The following CHRDL2 variants were observed in gnomAD, a reference collection of about 807,000 sequenced individuals.
The protein encoded by CHRDL2 is chordin like 2, also known as chordin-like protein 2.
In CHRDL2, 41 loss-of-function variants were observed where a neutral mutation model predicts 54.3. The ratio of observed to expected loss-of-function variants is 0.76; its 90% CI spans 0.59 to 0.98. CHRDL2 has a LOEUF of 0.98. CHRDL2 is among the 50% of genes least tolerant of loss of function. The pLI, the probability that CHRDL2 is intolerant of heterozygous loss-of-function variation, is 0.00. For missense variants in CHRDL2, 518 were observed against 562.4 expected (o/e 0.92, Z 0.80); for synonymous variants, 220 against 224.3 (o/e 0.98, Z 0.17).
intron 8 of CHRDL2, 134 bp from the exon 9 acceptor site, chr11:74,703,101 A>G: frequency 9.4e-7 from 1 of 1,067,230 alleles, no homozygotes; most frequent in African/African-American, 1.6e-5. Flanking sequence ...CTCTGAATCT[A>G]TTATCCTGAC....
At chr11:74,699,917 G>C (rs540525681) in intron 9 of CHRDL2, among the ~76,000 whole-genome samples, 1 of 152,364 alleles carries the variant, frequency 6.6e-6, no homozygotes, top group East Asian at 1.9e-4. Context: ...CGGTTTGCTA[G>C]TGACAGGATG....
intron 1 of CHRDL2, among the ~76,000 whole-genome samples, chr11:74,724,535 C>T (rs1199579890): frequency 6.6e-6 from 1 of 152,228 alleles, no homozygotes; most frequent in Non-Finnish European, 1.5e-5. Flanking sequence ...TTCAGCCTCA[C>T]CTCCTCTTGC....
intron 9 of CHRDL2, chr11:74,699,152 G>A (rs1199748421): frequency 1.3e-5 from 2 of 152,296 alleles, no homozygotes; most frequent in Admixed American, 1.3e-4. Flanking sequence ...CAACAAGCAT[G>A]AGATGAGATG....
At chr11:74,696,800 T>C (rs1209068215) in intron 10 of CHRDL2, among the ~76,000 whole-genome samples, 1 of 152,166 alleles carries the variant, frequency 6.6e-6, no homozygotes, top group African/African-American at 2.4e-5. Flanking sequence ...CAGAACTGGT[T>C]TCCTGACACC....
intron 10 of CHRDL2, among the ~76,000 whole-genome samples, 153 bp downstream of exon 10, chr11:74,697,052 C>G (rs960651862): frequency 3.9e-5 from 6 of 152,178 alleles, no homozygotes; most frequent in African/African-American, 9.7e-5. Flanking sequence ...ATCTCTGGCG[C>G]AGACACCCGC....
At position 74,708,357 on chromosome 11, in the gene CHRDL2, T is replaced by C. The variant is rs2034079964; in HGVS notation, c.471A>G (p.Glu157=). Residue 157 remains glutamate, a synonymous_variant, in exon 5 of 11, where the codon GAA becomes GAG. Transcript: ENST00000376332. ...QIYCGLTTCP[E]PGCPAPLPLP... ...GCGGGAGGGGTGCTGGGCAGCCTGG[T>C]TCGGGGCAGGTTGTGAGGCCGCAGT... is the stretch of plus-strand genomic sequence containing the variant. The C allele has an allele frequency of 6.3e-7, 1 of 1,589,190 alleles. No individual in the cohort carries two copies. Among genetic ancestry groups the C allele is most frequent in the African/African-American group, 1.4e-5 (1 of 73,446 alleles).
rs769579530 is a variant in CHRDL2 at position 74,730,922 on chromosome 11, C to G, written c.-34G>C. On this transcript the variant is annotated 5_prime_UTR_variant, in exon 1 of 11. Coordinates refer to ENST00000376332, the MANE Select transcript of CHRDL2 (RefSeq NM_001278473.3). ...CAGGGTCAGGCCGCTGGTCCGGGAG[C>G]GGAGTCGGGAGGAAGGGAGACGAAA... 7 of 1,568,944 alleles carry G rather than the reference C, an allele frequency of 4.5e-6. No individual in the cohort carries two copies. In the South Asian group the frequency reaches 8.2e-5, roughly 18 times the overall value.
intron 3 of CHRDL2, among the ~76,000 whole-genome samples, chr11:74,712,245 A>G (rs1264651031): frequency 6.6e-6 from 1 of 152,024 alleles, no homozygotes; most frequent in Non-Finnish European, 1.5e-5. Flanking sequence ...AGAGAGGAGG[A>G]GCCTCTAACT....
At chr11:74,721,484 T>C (rs1222634972) in intron 1 of CHRDL2, among the ~76,000 whole-genome samples, 2 of 152,180 alleles carry the variant, frequency 1.3e-5, no homozygotes, top group Non-Finnish European at 2.9e-5. Flanking sequence ...GTGGGGGGCC[T>C]GGCAGGAGGC....
Position 74,731,338 on chromosome 11 carries a change from T to TGGGGCCC in CHRDL2, c.-457_-451dup, listed in dbSNP as rs1437809262. 2.0e-5 allele frequency: 3 copies of TGGGGCCC among 147,110 alleles called. No homozygotes were observed. The highest frequency in any genetic ancestry group is 7.4e-5 in the African/African-American group (3 of 40,486). The allele number at this position is 147,110 out of a possible 1,614,324, so 9.1% of individuals were successfully genotyped here. On this transcript the variant is annotated 5_prime_UTR_variant, in exon 1 of 11. Coordinates refer to ENST00000376332, the MANE Select transcript of CHRDL2 (RefSeq NM_001278473.3). This position sits in a 1 kb window ranked among gnomAD's most constrained non-coding sequence, Gnocchi z 4.4. ...GGCTCGGGGTCGGGCCGCGGGGGCC[T>TGGGGCCC]GGGGCCCGGCGGGGCGGCGGTCCCA... is the stretch of plus-strand genomic sequence containing the variant.
chr11:74,705,652 C>G (rs909942410), intron 6 of CHRDL2, among the ~76,000 whole-genome samples: 7 of 152,340 alleles, frequency 4.6e-5, no homozygotes, highest in African/African-American at 1.7e-4. Flanking sequence ...TGGAACTCAG[C>G]CTGGGTGGGT....
intron 4 of CHRDL2, among the ~76,000 whole-genome samples, chr11:74,709,243 G>A (rs962023269): frequency 1.3e-5 from 2 of 151,156 alleles, no homozygotes; most frequent in African/African-American, 4.9e-5. Flanking sequence ...CCACCACCCA[G>A]CATTTCTGTC....
chr11:74,701,051 C>T (rs888021739), intron 9 of CHRDL2: 8 of 152,206 alleles, frequency 5.3e-5, no homozygotes, highest in African/African-American at 1.9e-4. Flanking sequence ...GAGCTTGCTC[C>T]CTCCCTTCCA....
chr11:74,709,983 G>A (rs1175638204), intron 4 of CHRDL2, among the ~76,000 whole-genome samples: 3 of 152,150 alleles, frequency 2.0e-5, no homozygotes, highest in Non-Finnish European at 2.9e-5. Flanking sequence ...TTGGGAGGCC[G>A]AGGCGGGCAG....
chr11:74,729,256 G>A (rs1243982234), intron 1 of CHRDL2, among the ~76,000 whole-genome samples: 2 of 152,228 alleles, frequency 1.3e-5, no homozygotes, highest in Non-Finnish European at 2.9e-5. Context: ...TTAAGAAATA[G>A]GAGGCAGGTG....
chr11:74,731,095 G>C lies in CHRDL2; in HGVS notation c.-207C>G. On this transcript the variant is annotated 5_prime_UTR_variant, in exon 1 of 11. Coordinates refer to ENST00000376332, the MANE Select transcript of CHRDL2 (RefSeq NM_001278473.3). This position sits in a 1 kb window ranked among gnomAD's most constrained non-coding sequence, Gnocchi z 4.4. ...CTAAGGTGGGAAGAAGAGAAAGGTGGAAAGAGAACGCGGGGAAAGGAGGGA... is the reference window on the plus strand; with the variant it reads ...CTAAGGTGGGAAGAAGAGAAAGGTGCAAAGAGAACGCGGGGAAAGGAGGGA... 2 of 576,792 alleles carry C rather than the reference G, an allele frequency of 3.5e-6. No homozygotes were observed. The highest frequency in any genetic ancestry group is 1.9e-5 in the African/African-American group (1 of 53,024). 35.7% of individuals were successfully genotyped at this position (576,792 alleles called of 1,614,324 possible).
rs1386169787 is a variant in CHRDL2 at position 74,729,108 on chromosome 11, G to A, written c.82+1699C>T. 2.6e-5 allele frequency among the ~76,000 whole-genome samples: 4 copies of A among 152,320 alleles called. No homozygotes were observed. The East Asian group carries it at 5.8e-4, about 22-fold the overall frequency. On this transcript the variant is annotated intron_variant, in intron 1 of 10. Coordinates refer to ENST00000376332, the MANE Select transcript of CHRDL2 (RefSeq NM_001278473.3). ...AAGCAAAGAAGCAGGGTGTGGGTAG[G>A]ATAACAGTCTGGTTCTAGGACATCT...
chr11:74,713,305 C>A lies in CHRDL2; in HGVS notation c.289+81G>T. ...TGGGTAGAGACTGCCCCTCTCCTTG[C>A]AGGGGTCTCCCTCAGCTAGAGGGCT... On this transcript the variant is annotated intron_variant, in intron 3 of 10. Transcript: ENST00000376332. The A allele has an allele frequency of 2.4e-6, 3 of 1,244,790 alleles. No homozygotes were observed. In the Admixed American group the frequency reaches 5.5e-5, roughly 23 times the overall value. The allele number at this position is 1,244,790 out of a possible 1,614,324, so 77.1% of individuals were successfully genotyped here.
In CHRDL2 at chr11:74,730,942, A is replaced by T; in HGVS notation, c.-54T>A. On this transcript the variant is annotated 5_prime_UTR_variant, in exon 1 of 11. Coordinates refer to ENST00000376332, the MANE Select transcript of CHRDL2 (RefSeq NM_001278473.3). The stretch of plus-strand genomic sequence containing the variant: ...GGGAGCGGAGTCGGGAGGAAGGGAG[A>T]CGAAAAGGACACGGAGGCACAGGGG... The T allele has an allele frequency of 2.1e-6, 3 of 1,457,976 alleles. No homozygotes were observed. The highest frequency in any genetic ancestry group is 2.8e-6 in the Non-Finnish European group (3 of 1,063,242). The allele number at this position is 1,457,976 out of a possible 1,614,324, so 90.3% of individuals were successfully genotyped here.
Sources: gnomAD v4.1 joint callset for allele counts (sites outside exome capture counted in the v4.1 genomes callset) on GRCh38, gnomAD v4.1.1 for gene constraint, Gnocchi (gnomAD v3.1) non-coding constraint, MANE v1.5 for transcripts, NCBI Gene and HGNC (gene_info 2026-07-23, HGNC 2026-07-21) for gene names.